SFMBT2: variants seen among roughly 807,000 people sequenced by gnomAD.
SFMBT2 encodes Scm like with four mbt domains 2.
A neutral mutation model predicts 110.1 loss-of-function variants in SFMBT2; 38 were observed. The observed-to-expected ratio is 0.35, with a 90% CI of 0.27 to 0.45. The LOEUF (loss-of-function observed/expected upper bound fraction) is 0.45, where lower values mean the gene tolerates loss of function less well. Among genes scored for constraint, SFMBT2 ranks in the 20% least tolerant of loss-of-function variants. The pLI is 1.00. For missense variants in SFMBT2, 1,011 were observed against 1,094.9 expected, an observed-to-expected ratio of 0.92 and a Z score of 1.08; for synonymous variants, 425 against 425.4, an observed-to-expected ratio of 1.00 and a Z score of 0.01.
intron 9 of SFMBT2, among the ~76,000 whole-genome samples, chr10:7,230,224 T>C (rs1215293194): frequency 6.6e-6 from 1 of 152,156 alleles, no homozygotes; most frequent in Non-Finnish European, 1.5e-5. Flanking sequence ...CTTCGAGTTC[T>C]TCCACCTGCC....
chr10:7,258,765 G>A (rs1024058259), intron 7 of SFMBT2, among the ~76,000 whole-genome samples: 4 of 152,040 alleles, frequency 2.6e-5, no homozygotes, highest in African/African-American at 4.8e-5. Flanking sequence ...AATTACTCCC[G>A]TAATACTAGT....
At chr10:7,181,996 A>T (rs1243379547) in intron 16 of SFMBT2, among the ~76,000 whole-genome samples, 2 of 152,146 alleles carry the variant, frequency 1.3e-5, no homozygotes, top group South Asian at 2.1e-4. Context: ...CAGGGGTTTG[A>T]GCTCCACGTG....
chr10:7,376,952 C>T (rs191516585), intron 2 of SFMBT2, among the ~76,000 whole-genome samples: 5 of 150,806 alleles, frequency 3.3e-5, no homozygotes, highest in Non-Finnish European at 7.4e-5. Context: ...GGGCAAATCA[C>T]GAGGTCAGGA....
At chr10:7,351,732 G>A (rs1409249943) in intron 4 of SFMBT2, among the ~76,000 whole-genome samples, 3 of 152,122 alleles carry the variant, frequency 2.0e-5, no homozygotes, top group African/African-American at 4.8e-5. Context: ...GACAGTGGAC[G>A]TGGCCGAGTG....
At chr10:7,336,517 C>T (rs1425569423) in intron 4 of SFMBT2, among the ~76,000 whole-genome samples, 1 of 152,162 alleles carries the variant, frequency 6.6e-6, no homozygotes, top group South Asian at 2.1e-4. Context: ...AGGCTGGGCA[C>T]AGTGGCTCAA....
chr10:7,278,125 T>A (rs911779858), intron 6 of SFMBT2, among the ~76,000 whole-genome samples: 1 of 152,222 alleles, frequency 6.6e-6, no homozygotes, highest in African/African-American at 2.4e-5. Context: ...TTGTCTATAA[T>A]CCTTTCTAGT....
chr10:7,292,877 C>T (rs1408556684), intron 4 of SFMBT2, among the ~76,000 whole-genome samples: 2 of 151,936 alleles, frequency 1.3e-5, no homozygotes, highest in African/African-American at 4.8e-5. Context: ...CCTGTAGTAC[C>T]AGCTACTAGG....
At chr10:7,358,916 T>C (rs1051543188) in intron 4 of SFMBT2, among the ~76,000 whole-genome samples, 2 of 152,202 alleles carry the variant, frequency 1.3e-5, no homozygotes, top group Non-Finnish European at 2.9e-5. Flanking sequence ...AATGGAGGTA[T>C]GCCCTGAAAT....
intron 9 of SFMBT2, among the ~76,000 whole-genome samples, chr10:7,228,671 G>GTTT (rs1839973618): frequency 7.2e-6 from 1 of 139,062 alleles, no homozygotes; most frequent in Admixed American, 7.3e-5. Context: ...TACTAAAGTG[G>GTTT]CTTCTTTCTT....
chr10:7,329,441 A>G (rs1843498978), intron 4 of SFMBT2: 1 of 985,380 alleles, frequency 1.0e-6, no homozygotes, highest in African/African-American at 1.7e-5. Flanking sequence ...CACAACCACA[A>G]AAGCGGTGAG....
chr10:7,186,475 A>AT (rs1345076690), intron 16 of SFMBT2, among the ~76,000 whole-genome samples: 3,446 of 136,476 alleles, frequency 0.025, 76 homozygotes, highest in Non-Finnish European at 0.033. Flanking sequence ...TATATATATA[A>AT]AAATATTTTA....
intron 4 of SFMBT2, among the ~76,000 whole-genome samples, chr10:7,312,319 G>A (rs547405812): frequency 1.3e-5 from 2 of 152,262 alleles, no homozygotes; most frequent in Non-Finnish European, 2.9e-5. Context: ...CGAGGGAGCC[G>A]AGGCCACCAC....
At chr10:7,276,000 T>A (rs1204386123) in intron 7 of SFMBT2, among the ~76,000 whole-genome samples, 1 of 152,244 alleles carries the variant, frequency 6.6e-6, no homozygotes. Flanking sequence ...GCCAATGGTG[T>A]TGGGTCGCCG....
chr10:7,238,116 A>C (rs1046747355), intron 9 of SFMBT2, among the ~76,000 whole-genome samples: 5 of 152,202 alleles, frequency 3.3e-5, no homozygotes, highest in Non-Finnish European at 7.3e-5. Flanking sequence ...CAGTCTGAGC[A>C]GAGAGACCCA....
intron 2 of SFMBT2, among the ~76,000 whole-genome samples, chr10:7,377,955 T>G (rs1344036543): frequency 2.7e-5 from 1 of 36,614 alleles, no homozygotes; most frequent in Non-Finnish European, 6.4e-5. Context: ...CCCCAAAATT[T>G]TGTGTGGGGG....
chr10:7,334,344 G>A (rs950104301), intron 4 of SFMBT2, among the ~76,000 whole-genome samples: 3 of 152,074 alleles, frequency 2.0e-5, no homozygotes, highest in East Asian at 3.9e-4. Flanking sequence ...CACACAGTTC[G>A]GCCTGCTGTG....
chr10:7,167,101 T>A (rs960132132), intron 20 of SFMBT2, among the ~76,000 whole-genome samples: 3 of 152,172 alleles, frequency 2.0e-5, no homozygotes, highest in Non-Finnish European at 4.4e-5. Context: ...CGGGTGAGGA[T>A]CTGGTAGTTC....
intron 13 of SFMBT2, among the ~76,000 whole-genome samples, chr10:7,201,225 C>A (rs1285912922): frequency 6.6e-6 from 1 of 152,190 alleles, no homozygotes; most frequent in Non-Finnish European, 1.5e-5. Context: ...GGTCCCCAGG[C>A]CCACAGCATT....
At chr10:7,411,392 G>T (rs899856977), upstream of SFMBT2, 3 of 152,188 alleles carry the variant, frequency 2.0e-5, no homozygotes, top group African/African-American at 7.2e-5. Context: ...ACACCCCTCC[G>T]CAAGGACAAC....
Sources: allele counts gnomAD v4.1 joint callset (sites outside exome capture counted in the v4.1 genomes callset), GRCh38; gene constraint gnomAD v4.1.1; transcripts MANE v1.5; gene names NCBI Gene and HGNC (gene_info 2026-07-23, HGNC 2026-07-21).